The following PRKCG variants were observed in gnomAD, a reference collection of about 807,000 sequenced individuals.
PRKCG encodes protein kinase C gamma.
PRKCG carries 28 observed loss-of-function variants against 82.0 expected under a neutral mutation model. The ratio of observed to expected loss-of-function variants is 0.34; its 90% confidence interval spans 0.25 to 0.47. The LOEUF (loss-of-function observed/expected upper bound fraction) is 0.47. Among genes scored for constraint, PRKCG ranks in the 20% least tolerant of loss-of-function variants. The probability of loss-of-function intolerance (pLI) is 1.00; values close to 1 mark genes in which losing one functional copy is unlikely to be tolerated. For missense variants in PRKCG, 640 were observed against 952.7 expected (o/e 0.67, Z 4.32); for synonymous variants, 383 against 376.6 (o/e 1.02, Z -0.20).
At chr19:53,895,487 CAAAAAAAAAAAAAA>C (rs760577483) in intron 9 of PRKCG, among the ~76,000 whole-genome samples, 4 of 62,866 alleles carry the variant, frequency 6.4e-5, no homozygotes, top group Admixed American at 3.4e-4. Context: ...GACTCTGTCT[CAAAAAAAAAAAAAA>C]AAAAAAAGAA....
intron 9 of PRKCG, among the ~76,000 whole-genome samples, chr19:53,894,492 T>C (rs2068703899): frequency 6.6e-6 from 1 of 150,406 alleles, no homozygotes; most frequent in African/African-American, 2.5e-5. Context: ...CAGAATCTCC[T>C]TTTGTCACCC....
intron 9 of PRKCG, among the ~76,000 whole-genome samples, chr19:53,893,705 C>T (rs2068696814): frequency 6.6e-6 from 1 of 152,014 alleles, no homozygotes; most frequent in African/African-American, 2.4e-5. Context: ...GGAGGACTTC[C>T]CTGAGGAGGT....
chr19:53,894,880 G>A (rs755444391), intron 9 of PRKCG, among the ~76,000 whole-genome samples: 3 of 152,168 alleles, frequency 2.0e-5, no homozygotes, highest in South Asian at 4.1e-4. Flanking sequence ...CATTCACAAC[G>A]AGGAGCAATG....
At position 53,889,561 on chromosome 19, in the gene PRKCG, GA is replaced by G; in HGVS notation, c.286-73del. 1 of 1,083,740 alleles carries G rather than the reference GA, an allele frequency of 9.2e-7. No individual in the cohort carries two copies. 67.1% of individuals were successfully genotyped at this position (1,083,740 alleles called of 1,614,324 possible). On this transcript the variant is annotated intron_variant, in intron 3 of 17. Transcript: ENST00000263431. The surrounding 1 kb of genome is among the most constrained non-coding windows in gnomAD (Gnocchi z 4.4). ...GCTGACCTAGAGAGCAAGGCAGGAGGAAAAGATAAAAGGGCCCCTCCCCTGG... is the reference window on the plus strand; with the variant it reads ...GCTGACCTAGAGAGCAAGGCAGGAGGAAAGATAAAAGGGCCCCTCCCCTGG...
At chr19:53,903,721 C>T (rs989320426) in intron 15 of PRKCG, among the ~76,000 whole-genome samples, 16 of 152,032 alleles carry the variant, frequency 1.1e-4, no homozygotes, top group African/African-American at 3.6e-4. Context: ...CCAGCACAGG[C>T]GACAGAGCAA....
In PRKCG at chr19:53,882,809, G is replaced by A; in HGVS notation, c.170+145G>A. The A allele has an allele frequency of 8.2e-7, 1 of 1,217,470 alleles. No individual in the cohort carries two copies. Among genetic ancestry groups the A allele is most frequent in the Non-Finnish European group, 1.1e-6 (1 of 895,176 alleles). 75.4% of individuals were successfully genotyped at this position (1,217,470 alleles called of 1,614,324 possible). On this transcript the variant is annotated intron_variant, in intron 1 of 17. Transcript: ENST00000263431. This position sits in a 1 kb window ranked among gnomAD's most constrained non-coding sequence, Gnocchi z 6.1. ...ATGGCCAGGGAACGCTGGGAGCTTC[G>A]ACTCCTGGGTTTCAGTGAGGAGGAG... is the stretch of plus-strand genomic sequence containing the variant.
intron 3 of PRKCG, among the ~76,000 whole-genome samples, chr19:53,887,984 G>A (rs139959812): frequency 1.0e-3 from 154 of 152,310 alleles, no homozygotes; most frequent in African/African-American, 3.6e-3. Flanking sequence ...CTGGGTAGGG[G>A]ATAGAGGCAA....
chr19:53,907,029 G>A lies in PRKCG; in HGVS notation c.*134G>A. 1 of 1,533,166 alleles carries A rather than the reference G, an allele frequency of 6.5e-7. No individual in the cohort carries two copies. Among genetic ancestry groups the A allele is most frequent in the Non-Finnish European group, 8.7e-7 (1 of 1,142,998 alleles). The allele number at this position is 1,533,166 out of a possible 1,614,324, so 95.0% of individuals were successfully genotyped here. ...CCAGCATTCCAGCTCTGCCCCCGCGGGTTCTAGACGCCCCTCCCAAGCGTT... is the reference window on the plus strand; with the variant it reads ...CCAGCATTCCAGCTCTGCCCCCGCGAGTTCTAGACGCCCCTCCCAAGCGTT... On this transcript the variant is annotated 3_prime_UTR_variant, in exon 18 of 18. Transcript: ENST00000263431.
intron 3 of PRKCG, among the ~76,000 whole-genome samples, chr19:53,885,113 A>G (rs200966389): frequency 6.6e-6 from 1 of 152,238 alleles, no homozygotes; most frequent in Non-Finnish European, 1.5e-5. Context: ...CTGTACATGC[A>G]CTGTCCAATA....
Position 53,898,298 on chromosome 19 carries a change from G to A in PRKCG, c.1093-142G>A, listed in dbSNP as rs984719493. 2.2e-6 allele frequency: 3 copies of A among 1,340,502 alleles called. No homozygotes were observed. In the African/African-American group the frequency reaches 4.4e-5, roughly 19 times the overall value. The allele number at this position is 1,340,502 out of a possible 1,614,324, so 83.0% of individuals were successfully genotyped here. On this transcript the variant is annotated intron_variant, in intron 10 of 17. Transcript: ENST00000263431. ...TGTGGACACTCTCCTTGAGGGGACG[G>A]GCGGCAAGTCAGGGCTGTCAGTCCC...
chr19:53,893,958 T>C (rs907198436), intron 9 of PRKCG, among the ~76,000 whole-genome samples: 4 of 151,834 alleles, frequency 2.6e-5, no homozygotes, highest in Non-Finnish European at 4.4e-5. Flanking sequence ...GATTTCGCCA[T>C]GTTGGCCAGG....
chr19:53,884,089 T>A lies in PRKCG; in HGVS notation c.203-72T>A, dbSNP rs1358540876. ...CCGAGTTCCGCTCTCTCTTTCCAAT[T>A]TTCTGTCTGCTGGGGTCTCCCGCTG... On this transcript the variant is annotated intron_variant, in intron 2 of 17. Coordinates refer to ENST00000263431, the MANE Select transcript of PRKCG (RefSeq NM_002739.5). The surrounding 1 kb of genome is among the most constrained non-coding windows in gnomAD (Gnocchi z 4.6). 1 of 1,475,484 alleles carries A rather than the reference T, an allele frequency of 6.8e-7. No homozygotes were observed. The highest frequency in any genetic ancestry group is 9.5e-7 in the Non-Finnish European group (1 of 1,056,754). 91.4% of individuals were successfully genotyped at this position (1,475,484 alleles called of 1,614,324 possible).
At position 53,892,577 on chromosome 19, in the gene PRKCG, G is replaced by A. The variant is rs764159841; in HGVS notation, c.755G>A (p.Arg252His). ...VEVWDWDRTS[R>H]NDFMGAMSFG... ...GTGTGGGACTGGGACCGGACCTCCC[G>A]CAACGACTTCATGGGGGCCATGTCC... Residue 252 changes from arginine to histidine, a missense_variant, in exon 7 of 18, where the codon CGC becomes CAC. Arg to His is a conservative substitution (Grantham distance 29, BLOSUM62 0). Transcript: ENST00000263431. This position sits in a 1 kb window ranked among gnomAD's most constrained non-coding sequence, Gnocchi z 5.9. 2.5e-6 allele frequency: 4 copies of A among 1,613,558 alleles called. No individual in the cohort carries two copies. Among genetic ancestry groups the A allele is most frequent in the South Asian group, 1.1e-5 (1 of 91,062 alleles).
At chr19:53,898,796 TG>T (rs1176102975) in intron 11 of PRKCG, among the ~76,000 whole-genome samples, 168 bp downstream of exon 11, 3 of 6,384 alleles carry the variant, frequency 4.7e-4, no homozygotes, top group East Asian at 6.6e-3. Flanking sequence ...GGGGGGTCCT[TG>T]GGGGGCGTGG....
At position 53,900,038 on chromosome 19, in the gene PRKCG, C is replaced by A. The variant is rs2068751287; in HGVS notation, c.1282-195C>A. 6.6e-6 allele frequency among the ~76,000 whole-genome samples: 1 copy of A among 152,126 alleles called. No individual in the cohort carries two copies. Among genetic ancestry groups the A allele is most frequent in the Non-Finnish European group, 1.5e-5 (1 of 68,018 alleles). On this transcript the variant is annotated intron_variant, in intron 11 of 17. Coordinates refer to ENST00000263431, the MANE Select transcript of PRKCG (RefSeq NM_002739.5). This position sits in a 1 kb window ranked among gnomAD's most constrained non-coding sequence, Gnocchi z 4.2. ...CCAGAACACGTGGTCTGATAGTTGGCGGTGGTCTGGCGGGTGGAGATTCTG... is the reference window on the plus strand; with the variant it reads ...CCAGAACACGTGGTCTGATAGTTGGAGGTGGTCTGGCGGGTGGAGATTCTG...
chr19:53,906,047 TC>T (rs1303028510), intron 16 of PRKCG, among the ~76,000 whole-genome samples: 1 of 42,626 alleles, frequency 2.3e-5, no homozygotes, highest in African/African-American at 2.1e-4. Context: ...TCCTCCCTCC[TC>T]CTCCTCCTCC....
intron 3 of PRKCG, among the ~76,000 whole-genome samples, chr19:53,885,145 G>A (rs968467859): frequency 2.0e-5 from 3 of 152,242 alleles, no homozygotes; most frequent in African/African-American, 7.2e-5. Context: ...GCTCCATGTA[G>A]CCAGTGAGCA....
At position 53,889,597 on chromosome 19, in the gene PRKCG, A is replaced by T; in HGVS notation, c.286-41A>T. ...AGGGCCCCTCCCCTGGGGTTTTAGG[A>T]CCCTCCCAACGCCCCCTAAGCCAGT... On this transcript the variant is annotated intron_variant, in intron 3 of 17. Transcript: ENST00000263431. The surrounding 1 kb of genome is among the most constrained non-coding windows in gnomAD (Gnocchi z 4.4). The T allele has an allele frequency of 6.6e-7, 1 of 1,515,614 alleles. No homozygotes were observed. Among genetic ancestry groups the T allele is most frequent in the South Asian group, 1.1e-5 (1 of 88,620 alleles). 93.9% of individuals were successfully genotyped at this position (1,515,614 alleles called of 1,614,324 possible).
intron 16 of PRKCG, among the ~76,000 whole-genome samples, chr19:53,905,378 C>T (rs2068794452): frequency 7.3e-6 from 1 of 136,130 alleles, no homozygotes; most frequent in South Asian, 2.3e-4. Flanking sequence ...TGTGTCCACT[C>T]TCATACACAC....
Sources: gnomAD v4.1 joint callset for allele counts (sites outside exome capture counted in the v4.1 genomes callset) on GRCh38, gnomAD v4.1.1 for gene constraint, Gnocchi (gnomAD v3.1) non-coding constraint, MANE v1.5 for transcripts, NCBI Gene and HGNC (gene_info 2026-07-23, HGNC 2026-07-21) for gene names.